SPATA20: variants seen among roughly 807,000 people sequenced by gnomAD.
The protein encoded by SPATA20 is spermatogenesis associated 20.
Under a neutral mutation model 98.9 loss-of-function variants are expected in SPATA20, and 74 were observed. The observed-to-expected ratio is 0.75, with a 90% confidence interval of 0.62 to 0.91. The LOEUF (loss-of-function observed/expected upper bound fraction) is 0.91, where lower values mean the gene tolerates loss of function less well. Among genes scored for constraint, SPATA20 ranks in the 40% least tolerant of loss-of-function variants. The pLI is 0.00. For synonymous variants in SPATA20, 430 were observed against 440.5 expected (o/e 0.98, Z 0.30); for missense variants, 1,016 against 1,069.8 (o/e 0.95, Z 0.70).
At chr17:50,553,060 CACA>C (rs2144067953) in intron 14 of SPATA20, among the ~76,000 whole-genome samples, 1 of 152,322 alleles carries the variant, frequency 6.6e-6, no homozygotes, top group African/African-American at 2.4e-5. Flanking sequence ...GATGCAAAAA[CACA>C]TGCACAAATG....
chr17:50,549,698 TG>T (rs529833685), intron 7 of SPATA20, among the ~76,000 whole-genome samples: 15 of 152,372 alleles, frequency 9.8e-5, no homozygotes, highest in Admixed American at 3.3e-4. Context: ...GATGACCTTC[TG>T]TCCCCTGACT....
intron 4 of SPATA20, 91 bp from the exon 5 acceptor site, chr17:50,548,719 C>A (rs572161199): frequency 7.6e-6 from 12 of 1,586,980 alleles, no homozygotes; most frequent in Non-Finnish European, 9.4e-6. Flanking sequence ...AGACTAGAGG[C>A]CAGGACGTCT....
In SPATA20 at chr17:50,555,733, G is replaced by T; in HGVS notation, c.*71G>T. ...CTGACTAGAGACTCAGGCCCTGCAGGGCCCTATAGAACCTGTGGCCATCCC... is the reference window on the plus strand; with the variant it reads ...CTGACTAGAGACTCAGGCCCTGCAGTGCCCTATAGAACCTGTGGCCATCCC... On this transcript the variant is annotated 3_prime_UTR_variant, in exon 17 of 17. Coordinates refer to ENST00000006658, the MANE Select transcript of SPATA20 (RefSeq NM_022827.4). 3 of 1,425,212 alleles carry T rather than the reference G, an allele frequency of 2.1e-6. No individual in the cohort carries two copies. The highest frequency in any genetic ancestry group is 2.9e-6 in the Non-Finnish European group (3 of 1,048,672). 88.3% of individuals were successfully genotyped at this position (1,425,212 alleles called of 1,614,324 possible).
chr17:50,548,679 G>T, intron 4 of SPATA20, 61 bp downstream of exon 4: 3 of 1,595,036 alleles, frequency 1.9e-6, no homozygotes, highest in Non-Finnish European at 2.6e-6. Context: ...GGATGGGGGA[G>T]GGTCCTCTCG....
At chr17:50,551,732 T>G (rs963425096) in intron 13 of SPATA20, 53 bp downstream of exon 13, 128 of 1,541,210 alleles carry the variant, frequency 8.3e-5, no homozygotes, top group Middle Eastern at 4.7e-4. Flanking sequence ...GTCCCCAGCC[T>G]ACCTCTGCCC....
rs771901632 is a variant in SPATA20, at chr17:50,555,521, G to T, written c.2268G>T (p.Ser756=). The T allele has an allele frequency of 2.5e-6, 4 of 1,613,934 alleles. No individual in the cohort carries two copies. The highest frequency in any genetic ancestry group is 3.4e-6 in the Non-Finnish European group (4 of 1,179,958). The change falls in exon 17 of 17, where the codon TCG becomes TCT. Residue 756 remains serine (S), a synonymous_variant. Transcript: ENST00000006658. ...TGATTCTGGCTGATGGGGACCCCTC[G>T]AGCTTCCTGTCCCGCCAGCTGCCTT... is the stretch of plus-strand genomic sequence containing the variant. ...KVLILADGDP[S]SFLSRQLPFL...
chr17:50,549,190 G>A lies in SPATA20; in HGVS notation c.660+4G>A, dbSNP rs1468651568. ...GTTGCTGAGAATACGAGAACAGGTGGGTGTGCCTCCGGGAGTTGGGGGACC... is the reference window on the plus strand; with the variant it reads ...GTTGCTGAGAATACGAGAACAGGTGAGTGTGCCTCCGGGAGTTGGGGGACC... On this transcript the variant is annotated splice_donor_region_variant and intron_variant, in intron 6 of 16. Transcript: ENST00000006658. 1.3e-6 allele frequency: 2 copies of A among 1,593,724 alleles called. No individual in the cohort carries two copies. Among genetic ancestry groups the A allele is most frequent in the Admixed American group, 3.4e-5 (2 of 59,340 alleles).
rs2035014959 is a variant in SPATA20, at chr17:50,551,515, G to A, written c.1581G>A (p.Leu527=). The change falls in exon 13 of 17, where the codon TTG becomes TTA. Residue 527 remains leucine, a synonymous_variant. Coordinates refer to ENST00000006658, the MANE Select transcript of SPATA20 (RefSeq NM_022827.4). ...ACTTGTCTCTCCTGGCTCCAGGCTT[G>A]ATGGTGTCAGGCTATGCTGTGACTG... is the stretch of plus-strand genomic sequence containing the variant. ...DSKMLAAWNG[L]MVSGYAVTGA... The A allele has an allele frequency of 6.3e-7, 1 of 1,590,628 alleles. No individual in the cohort carries two copies. The highest frequency in any genetic ancestry group is 8.6e-7 in the Non-Finnish European group (1 of 1,160,532).
At chr17:50,551,818 C>T in intron 13 of SPATA20, 139 bp downstream of exon 13, 2 of 1,215,828 alleles carry the variant, frequency 1.6e-6, no homozygotes, top group Non-Finnish European at 2.3e-6. Context: ...TCCCTGGGCC[C>T]ATTTACTCAT....
rs1022118109 is a variant in SPATA20 at position 50,555,684 on chromosome 17, G to T, written c.*22G>T. 3.7e-6 allele frequency: 6 copies of T among 1,600,710 alleles called. No individual in the cohort carries two copies. Among genetic ancestry groups the T allele is most frequent in the Admixed American group, 1.7e-5 (1 of 57,732 alleles). ...ATGACTGCCCCAACCCCCTTGGGGT[G>T]GGGCAGAAGGTGAAGCATCCCAACT... On this transcript the variant is annotated 3_prime_UTR_variant, in exon 17 of 17. Transcript: ENST00000006658.
At chr17:50,551,336 AC>A in intron 12 of SPATA20, 146 bp downstream of exon 12, 1 of 1,161,932 alleles carries the variant, frequency 8.6e-7, no homozygotes, top group Non-Finnish European at 1.2e-6. Flanking sequence ...AGCTTGAGTA[AC>A]CCGCCCAAGG....
intron 2 of SPATA20, chr17:50,548,001 T>C: frequency 9.5e-6 from 14 of 1,479,518 alleles, no homozygotes; most frequent in Non-Finnish European, 1.3e-5. Context: ...TTCTGCCCAT[T>C]GTGACCCGCC....
At chr17:50,555,139 G>A (rs970832759) in intron 15 of SPATA20, 93 bp from the exon 16 acceptor site, 26 of 968,888 alleles carry the variant, frequency 2.7e-5, no homozygotes, top group Non-Finnish European at 3.9e-5. Flanking sequence ...AGAGATATAC[G>A]GTGGGGCGGA....
At chr17:50,547,626 C>T in intron 1 of SPATA20, 94 bp from the exon 2 acceptor site, 4 of 768,212 alleles carry the variant, frequency 5.2e-6, no homozygotes, top group Non-Finnish European at 9.7e-6. Context: ...TGTGCCCTGT[C>T]ACAGTCCTTT....
At position 50,549,399 on chromosome 17, in the gene SPATA20, C is replaced by T. The variant is rs374412253; in HGVS notation, c.774C>T (p.Thr258=). 39 of 1,612,570 alleles carry T rather than the reference C, an allele frequency of 2.4e-5. No homozygotes were observed. The highest frequency in any genetic ancestry group is 5.5e-5 in the South Asian group (5 of 91,088). The change falls in exon 7 of 17, where the codon ACC becomes ACT. Residue 258 remains threonine, a synonymous_variant. Transcript: ENST00000006658. The part of the protein sequence containing the change: ...GDRQLPPSAA[T]VNNRCFQQLD... ...GCCAGCTGCCGCCCTCTGCCGCCAC[C>T]GTGAACAATCGCTGCTTCCAGCAGC...
At chr17:50,548,132 A>G in intron 2 of SPATA20, 151 bp from the exon 3 acceptor site, 1 of 1,496,114 alleles carries the variant, frequency 6.7e-7, no homozygotes, top group Non-Finnish European at 8.8e-7. Flanking sequence ...GGGAGCACAA[A>G]GGCCACAGTC....
At position 50,552,076 on chromosome 17, in the gene SPATA20, G is replaced by T. The variant is rs769707314; in HGVS notation, c.1853G>T (p.Arg618Leu). ...QESAWLEWAL[R>L]LQDTQDKLFW... Reference sequence around the variant, plus strand: ...AGTGCGTGGCTCGAGTGGGCTCTGCGGCTGCAGGACACACAGGACAAGCTC... The same window carrying T: ...AGTGCGTGGCTCGAGTGGGCTCTGCTGCTGCAGGACACACAGGACAAGCTC... Residue 618 changes from arginine (R) to leucine (L), a missense_variant, in exon 14 of 17, where the codon CGG becomes CTG. Arg to Leu is a moderately radical substitution (Grantham distance 102). Transcript: ENST00000006658. The T allele has an allele frequency of 6.2e-7, 1 of 1,613,808 alleles. No individual in the cohort carries two copies. Among genetic ancestry groups the T allele is most frequent in the Non-Finnish European group, 8.5e-7 (1 of 1,179,988 alleles).
At chr17:50,548,068 C>T (rs2034943286) in intron 2 of SPATA20, 1 of 1,499,516 alleles carries the variant, frequency 6.7e-7, no homozygotes. Context: ...GGAGACTAAC[C>T]TGGCAAGGAG....
At chr17:50,554,605 G>A (rs187968418) in intron 15 of SPATA20, among the ~76,000 whole-genome samples, 155 bp downstream of exon 15, 293 of 152,302 alleles carry the variant, frequency 1.9e-3, no homozygotes, top group African/African-American at 6.5e-3. Context: ...GGAGGCAGAA[G>A]TTAATATGAG....
Sources: allele counts gnomAD v4.1 joint callset (sites outside exome capture counted in the v4.1 genomes callset), GRCh38; gene constraint gnomAD v4.1.1; transcripts MANE v1.5; gene names NCBI Gene and HGNC (gene_info 2026-07-23, HGNC 2026-07-21).